CACNA1A: variants seen among roughly 807,000 people sequenced by gnomAD.
The protein encoded by CACNA1A is calcium voltage-gated channel subunit alpha1 A, also known as voltage-dependent P/Q-type calcium channel subunit alpha-1A.
Under a neutral mutation model 262.4 loss-of-function variants are expected in CACNA1A, and 57 were observed. The observed-to-expected ratio is 0.22, with a 90% confidence interval of 0.18 to 0.27. The LOEUF (loss-of-function observed/expected upper bound fraction) is 0.27. Among genes scored for constraint, CACNA1A ranks in the 10% least tolerant of loss-of-function variants. The pLI is 1.00. For synonymous variants in CACNA1A, 1,431 were observed against 1,419.3 expected (o/e 1.01, Z -0.18); for missense variants, 2,526 against 3,562.8 (o/e 0.71, Z 7.41).
intron 3 of CACNA1A, chr19:13,450,897 C>T (rs10414465): frequency 0.25 from 38,238 of 151,750 alleles, 6,871 homozygotes; most frequent in African/African-American, 0.51. Context: ...ACTCCTGGGC[C>T]CAAGCAATCC....
At position 13,369,910 on chromosome 19, in the gene CACNA1A, C is replaced by A. The variant is rs1193214106; in HGVS notation, c.631+1778G>T. Reference sequence around the variant, plus strand: ...AAGTGTCTTCTTTCTACAAAAAGATCCTGCTGGTGATCCTCTGGGAAATCT... The same window carrying A: ...AAGTGTCTTCTTTCTACAAAAAGATACTGCTGGTGATCCTCTGGGAAATCT... On this transcript the variant is annotated intron_variant, in intron 4 of 46. Transcript: ENST00000360228. 2.0e-5 allele frequency among the ~76,000 whole-genome samples: 3 copies of A among 152,258 alleles called. No homozygotes were observed. In the South Asian group the frequency reaches 6.2e-4, roughly 32 times the overall value.
At chr19:13,221,861 A>G (rs2055244840) in intron 38 of CACNA1A, among the ~76,000 whole-genome samples, 1 of 151,508 alleles carries the variant, frequency 6.6e-6, no homozygotes, top group Non-Finnish European at 1.5e-5. Flanking sequence ...AATGATGGAG[A>G]GTGAGCCCTG....
chr19:13,272,587 G>C (rs962369632), intron 24 of CACNA1A: 5 of 152,338 alleles, frequency 3.3e-5, no homozygotes, highest in Non-Finnish European at 7.3e-5. Flanking sequence ...AGTGCAGGGA[G>C]TGAGAGAGAA....
chr19:13,309,198 C>A (rs1301465206), intron 12 of CACNA1A, among the ~76,000 whole-genome samples: 3 of 151,704 alleles, frequency 2.0e-5, no homozygotes, highest in Non-Finnish European at 4.4e-5. Context: ...TTAGTAGAGA[C>A]GGGGTTTCAC....
intron 4 of CACNA1A, among the ~76,000 whole-genome samples, chr19:13,368,777 G>A (rs1458450911): frequency 3.4e-5 from 5 of 148,116 alleles, no homozygotes; most frequent in East Asian, 2.0e-4. Flanking sequence ...GGTGGCTCAC[G>A]CCTGTAATCC....
chr19:13,425,784 G>A (rs180854946), intron 3 of CACNA1A, among the ~76,000 whole-genome samples: 45 of 152,080 alleles, frequency 3.0e-4, no homozygotes, highest in Non-Finnish European at 5.3e-4. Context: ...TGCCGGGCAC[G>A]GTGGCTCACA....
chr19:13,218,862 T>C (rs1186343814), intron 38 of CACNA1A, among the ~76,000 whole-genome samples: 2 of 151,636 alleles, frequency 1.3e-5, no homozygotes, highest in Non-Finnish European at 2.9e-5. Flanking sequence ...CTCAGCCTCC[T>C]GAGTAGTTGG....
intron 28 of CACNA1A, chr19:13,257,140 C>G: frequency 2.4e-6 from 1 of 416,018 alleles, no homozygotes. Context: ...TGCGGCATAA[C>G]CTAGTCTAAA....
rs375381346 is a variant in CACNA1A, at chr19:13,307,761, G to C, written c.1986+21C>G. On this transcript the variant is annotated intron_variant, in intron 15 of 46. Transcript: ENST00000360228. ...GTGACACTGAGAGGTGTTGGCCCGT[G>C]GGGCCAGGTGGAGGCTGTACCTGAA... is the stretch of plus-strand genomic sequence containing the variant. The C allele has an allele frequency of 5.6e-6, 9 of 1,607,618 alleles. No homozygotes were observed. The African/African-American group carries it at 1.1e-4, about 19-fold the overall frequency.
intron 3 of CACNA1A, among the ~76,000 whole-genome samples, chr19:13,410,939 G>A (rs2060099620): frequency 1.3e-5 from 2 of 152,080 alleles, no homozygotes; most frequent in South Asian, 2.1e-4. Context: ...ATGATGGAGA[G>A]TAAGCCCTGG....
chr19:13,410,516 T>C (rs1465046164), intron 3 of CACNA1A, among the ~76,000 whole-genome samples: 1 of 129,050 alleles, frequency 7.7e-6, no homozygotes, highest in Non-Finnish European at 1.5e-5. Context: ...GTGCCTGGCC[T>C]TTTTTTTTTC....
chr19:13,395,181 G>A (rs2059787425), intron 3 of CACNA1A, among the ~76,000 whole-genome samples: 1 of 149,934 alleles, frequency 6.7e-6, no homozygotes. Flanking sequence ...GGCTGAGGCA[G>A]GAGAATTGCT....
intron 3 of CACNA1A, among the ~76,000 whole-genome samples, chr19:13,431,384 A>G (rs1317975501): frequency 1.3e-5 from 2 of 152,046 alleles, no homozygotes; most frequent in Admixed American, 6.6e-5. Context: ...AACAGATTGG[A>G]TGCAGGGGGT....
chr19:13,245,580 G>T (rs2056207466), intron 30 of CACNA1A: 1 of 341,222 alleles, frequency 2.9e-6, no homozygotes, highest in Non-Finnish European at 5.4e-6. Flanking sequence ...GGGCTCCCGA[G>T]ACCCCAGGGG....
intron 1 of CACNA1A, among the ~76,000 whole-genome samples, chr19:13,471,047 G>C (rs1599329286): frequency 6.6e-6 from 1 of 152,068 alleles, no homozygotes; most frequent in Admixed American, 6.5e-5. Flanking sequence ...CCCGCTTTTG[G>C]TGCCTCTACA....
Position 13,286,744 on chromosome 19 carries a change from G to A in CACNA1A, c.3312C>T (p.Gly1104=), listed in dbSNP as rs1336206767. The A allele has an allele frequency of 6.2e-7, 1 of 1,607,112 alleles. No individual in the cohort carries two copies. The highest frequency in any genetic ancestry group is 1.7e-5 in the Admixed American group (1 of 59,680). Residue 1104 remains glycine (G), a synonymous_variant, in exon 20 of 47, where the codon GGC becomes GGT. Transcript: ENST00000360228. The stretch of plus-strand genomic sequence containing the variant: ...CCATGGCAGGGATGGCCAGCATGGG[G>A]CCGGGGTCGGTGCTGTTTCCCATCT... ...PAKMGNSTDP[G]PMLAIPAMAT...
chr19:13,287,255 G>A (rs2057424982), intron 19 of CACNA1A, among the ~76,000 whole-genome samples: 3 of 152,152 alleles, frequency 2.0e-5, no homozygotes, highest in Non-Finnish European at 4.4e-5. Flanking sequence ...GGAGGCCGAA[G>A]TGGGAGGATT....
At chr19:13,240,548 G>T (rs1454579699) in intron 31 of CACNA1A, among the ~76,000 whole-genome samples, 1 of 148,542 alleles carries the variant, frequency 6.7e-6, no homozygotes, top group Non-Finnish European at 1.5e-5. Flanking sequence ...AGTGGTGTGT[G>T]CAGTGTGTGC....
At chr19:13,391,444 C>A (rs1160027986) in intron 3 of CACNA1A, among the ~76,000 whole-genome samples, 1 of 152,076 alleles carries the variant, frequency 6.6e-6, no homozygotes, top group Admixed American at 6.5e-5. Context: ...AACAAAAGGA[C>A]ATGTTTCTAT....
Sources: gnomAD v4.1 joint callset for allele counts (sites outside exome capture counted in the v4.1 genomes callset) on GRCh38, gnomAD v4.1.1 for gene constraint, MANE v1.5 for transcripts, NCBI Gene and HGNC (gene_info 2026-07-23, HGNC 2026-07-21) for gene names.